The following DAGLB variants were observed in gnomAD, a reference collection of about 807,000 sequenced individuals.
The protein encoded by DAGLB is diacylglycerol lipase-beta.
DAGLB carries 66 observed loss-of-function variants against 72.1 expected under a neutral mutation model. The observed-to-expected ratio is 0.92, with a 90% confidence interval of 0.75 to 1.12. The LOEUF is 1.12. Among genes scored for constraint, DAGLB ranks in the 50% most tolerant of loss-of-function variants. The pLI, the probability that DAGLB is intolerant of heterozygous loss-of-function variation, is 0.00. For synonymous variants in DAGLB, 414 were observed against 359.5 expected, an observed-to-expected ratio of 1.15 and a Z score of -1.71; for missense variants, 1,065 against 884.9, an observed-to-expected ratio of 1.20 and a Z score of -2.58.
chr7:6,443,657 G>C (rs1296975165), intron 2 of DAGLB, among the ~76,000 whole-genome samples: 2 of 152,056 alleles, frequency 1.3e-5, no homozygotes, highest in African/African-American at 4.8e-5. Context: ...AAACTGTCAA[G>C]ATCTTGATGC....
At position 6,409,641 on chromosome 7, in the gene DAGLB, A is replaced by G. The variant is rs702485; in HGVS notation, c.*196T>C. 0.52 allele frequency: 354,765 copies of G among 684,868 alleles called. 99,108 individuals are homozygous for G. The highest frequency in any genetic ancestry group is 0.9 in the East Asian group (32,251 of 35,886). 42.4% of individuals were successfully genotyped at this position (684,868 alleles called of 1,614,324 possible). ...GTCGTCCTATCACCTGAGCGTGCTCACTACTTCTGCTACCATTATGGCCAC... is the reference window on the plus strand; with the variant it reads ...GTCGTCCTATCACCTGAGCGTGCTCGCTACTTCTGCTACCATTATGGCCAC... On this transcript the variant is annotated 3_prime_UTR_variant, in exon 15 of 15. Transcript: ENST00000297056.
At chr7:6,444,225 AT>A (rs1333285580) in intron 2 of DAGLB, among the ~76,000 whole-genome samples, 8 of 152,186 alleles carry the variant, frequency 5.3e-5, no homozygotes, top group African/African-American at 1.9e-4. Context: ...GTGAGCTATG[AT>A]TGCGCCACTG....
At chr7:6,424,969 C>T in intron 7 of DAGLB, 134 bp from the exon 8 acceptor site, 1 of 776,360 alleles carries the variant, frequency 1.3e-6, no homozygotes, top group Non-Finnish European at 2.2e-6. Flanking sequence ...CGCCTCTCCA[C>T]TCACGCTCAC....
chr7:6,435,095 C>A, intron 3 of DAGLB, 75 bp from the exon 4 acceptor site: 1 of 1,568,552 alleles, frequency 6.4e-7, no homozygotes, highest in Admixed American at 1.8e-5. Context: ...GGTCCCTCCT[C>A]CAGGTTCAGT....
rs368443745 is a variant in DAGLB, at chr7:6,416,710, C to T, written c.1344G>A (p.Ala448=). 23 of 1,613,496 alleles carry T rather than the reference C, an allele frequency of 1.4e-5. No individual in the cohort carries two copies. Among genetic ancestry groups the T allele is most frequent in the East Asian group, 1.3e-4 (6 of 44,894 alleles). ...VIVGHSLGGG[A]AALLATMLRA... is the part of the protein sequence containing the mutation. ...TGAGCATGGTGGCCAGCAGGGCGGCCGCCCCGCCCCCGAGGCTGTGGCCCA... is the reference window on the plus strand; with the variant it reads ...TGAGCATGGTGGCCAGCAGGGCGGCTGCCCCGCCCCCGAGGCTGTGGCCCA... Residue 448 remains alanine, a synonymous_variant, in exon 11 of 15, where the codon GCG becomes GCA. Transcript: ENST00000297056.
chr7:6,429,219 C>T (rs1300610695), intron 6 of DAGLB, among the ~76,000 whole-genome samples: 2 of 152,010 alleles, frequency 1.3e-5, no homozygotes, highest in Non-Finnish European at 1.5e-5. Context: ...TGATATGATA[C>T]ACTAGGAAGG....
chr7:6,417,164 G>C (rs953054178), intron 9 of DAGLB: 6 of 478,458 alleles, frequency 1.3e-5, no homozygotes, highest in South Asian at 1.1e-4. Flanking sequence ...GGGAGGCCAA[G>C]GCAGGAGGAC....
At chr7:6,424,646 T>C in intron 8 of DAGLB, 106 bp downstream of exon 8, 1 of 1,058,556 alleles carries the variant, frequency 9.4e-7, no homozygotes, top group Admixed American at 1.9e-5. Flanking sequence ...CTCACCATTT[T>C]CCCCTGTGTC....
intron 5 of DAGLB, 130 bp downstream of exon 5, chr7:6,432,707 G>A (rs1300964963): frequency 1.3e-5 from 15 of 1,153,566 alleles, no homozygotes; most frequent in South Asian, 1.2e-4. Flanking sequence ...GGGGAGGAGG[G>A]GGAGGGGAGG....
Position 6,434,474 on chromosome 7 carries a change from C to T in DAGLB, c.678+288G>A, listed in dbSNP as rs900928556. On this transcript the variant is annotated intron_variant, in intron 4 of 14. Transcript: ENST00000297056. ...TGCAAATTATTCTCAAAGGGTACAG[C>T]GTCCGTTATGTGGTTCCTTACAGGC... Among the ~76,000 whole-genome samples, 6 of 152,090 alleles carry T rather than the reference C, an allele frequency of 3.9e-5. No homozygotes were observed. The East Asian group carries it at 5.8e-4, about 15-fold the overall frequency.
chr7:6,426,214 C>T lies in DAGLB; in HGVS notation c.930-100G>A, dbSNP rs568275313. 23 of 1,539,722 alleles carry T rather than the reference C, an allele frequency of 1.5e-5. No individual in the cohort carries two copies. The Admixed American group carries it at 1.6e-4, about 11-fold the overall frequency. ...GTTCCCAGAGACGCGAGGACCAGAG[C>T]GGACAATTCTCAGGACTTAGCCTGG... On this transcript the variant is annotated intron_variant, in intron 6 of 14. Transcript: ENST00000297056.
chr7:6,437,167 T>A (rs74955501), intron 2 of DAGLB, among the ~76,000 whole-genome samples: 19,382 of 128,796 alleles, frequency 0.15, 2,088 homozygotes, highest in East Asian at 0.35. Context: ...ATAATAATAA[T>A]AATAATAATA....
At chr7:6,430,723 T>A in intron 5 of DAGLB, 116 bp from the exon 6 acceptor site, 1 of 1,202,430 alleles carries the variant, frequency 8.3e-7, no homozygotes, top group Non-Finnish European at 1.1e-6. Flanking sequence ...CTTCGTTGAA[T>A]AGAACTCTCA....
chr7:6,439,353 C>CTTA (rs1406005683), intron 2 of DAGLB, among the ~76,000 whole-genome samples: 1 of 152,108 alleles, frequency 6.6e-6, no homozygotes, highest in African/African-American at 2.4e-5. Context: ...CCGCAGCAGG[C>CTTA]TTCCTAAGGT....
intron 2 of DAGLB, among the ~76,000 whole-genome samples, chr7:6,444,096 G>C (rs949129506): frequency 6.6e-6 from 1 of 152,000 alleles, no homozygotes; most frequent in Non-Finnish European, 1.5e-5. Context: ...GCAAGACCCT[G>C]TCTCTACAAA....
At chr7:6,440,996 T>C (rs560438717) in intron 2 of DAGLB, among the ~76,000 whole-genome samples, 1 of 152,166 alleles carries the variant, frequency 6.6e-6, no homozygotes. Flanking sequence ...GTTTCCCTCT[T>C]GTGAAAGTGC....
chr7:6,412,399 C>G (rs1783758366), intron 13 of DAGLB, among the ~76,000 whole-genome samples: 1 of 152,068 alleles, frequency 6.6e-6, no homozygotes, highest in South Asian at 2.1e-4. Context: ...CTGTTAGTCA[C>G]AAGACAGGAC....
chr7:6,431,534 G>A (rs1223117436), intron 5 of DAGLB, among the ~76,000 whole-genome samples: 1 of 151,948 alleles, frequency 6.6e-6, no homozygotes, highest in African/African-American at 2.4e-5. Context: ...CACTTTGGGG[G>A]GCCAAGGCCG....
intron 4 of DAGLB, 91 bp from the exon 5 acceptor site, chr7:6,433,050 T>C (rs887356703): frequency 3.6e-5 from 55 of 1,513,486 alleles, no homozygotes; most frequent in Non-Finnish European, 4.7e-5. Flanking sequence ...TTGATAGGCA[T>C]TCACGCACAC....
Sources: allele counts gnomAD v4.1 joint callset (sites outside exome capture counted in the v4.1 genomes callset), GRCh38; gene constraint gnomAD v4.1.1; transcripts MANE v1.5; gene names NCBI Gene and HGNC (gene_info 2026-07-23, HGNC 2026-07-21).